Variants in SPARCL1 observed in about 807,000 individuals in gnomAD.
SPARCL1 encodes SPARC-like protein 1.
In SPARCL1, 52 loss-of-function variants were observed where a neutral mutation model predicts 67.1. The observed-to-expected ratio is 0.78, with a 90% CI of 0.62 to 0.98. The LOEUF (loss-of-function observed/expected upper bound fraction) is 0.98, where lower values mean the gene tolerates loss of function less well. Ranked by LOEUF, SPARCL1 falls within the 50% of genes least tolerant of loss-of-function variation. The probability of loss-of-function intolerance (pLI) is 0.00; values close to 1 mark genes in which losing one functional copy is unlikely to be tolerated. For synonymous variants in SPARCL1, 226 were observed against 267.8 expected (o/e 0.84, Z 1.52); for missense variants, 717 against 782.4 (o/e 0.92, Z 1.00).
intron 3 of SPARCL1, 66 bp downstream of exon 3, chr4:87,494,915 A>G: frequency 7.2e-7 from 1 of 1,390,708 alleles, no homozygotes; most frequent in Non-Finnish European, 9.9e-7. Context: ...CTCTTTTACC[A>G]TGCTTTGAAA....
At chr4:87,489,699 A>G (rs1724231624) in intron 7 of SPARCL1, among the ~76,000 whole-genome samples, 1 of 152,174 alleles carries the variant, frequency 6.6e-6, no homozygotes, top group African/African-American at 2.4e-5. Context: ...ACAAAGCAAG[A>G]TATATGGTCA....
chr4:87,491,958 A>C lies in SPARCL1; in HGVS notation c.1219-268T>G, dbSNP rs1463436700. On this transcript the variant is annotated intron_variant, in intron 4 of 10. Transcript: ENST00000282470. ...CATCTCTACCCACCCCCCCCCCCAA[A>C]AAAAAAAAAATTAGCTGGGCATGAT... 4.0e-4 allele frequency among the ~76,000 whole-genome samples: 15 copies of C among 37,848 alleles called. 1 individual carries two copies. In the South Asian group the frequency reaches 0.015, roughly 38 times the overall value. The allele number at this position is 37,848 out of a possible 152,430, so 24.8% of individuals were successfully genotyped here.
chr4:87,490,652 A>C (rs185948869), intron 6 of SPARCL1, 108 bp downstream of exon 6: 1 of 799,334 alleles, frequency 1.3e-6, no homozygotes, highest in Admixed American at 2.5e-5. Flanking sequence ...TAACCAAATG[A>C]TAACCTAGGT....
chr4:87,506,841 C>T (rs545806703), intron 1 of SPARCL1, among the ~76,000 whole-genome samples: 1 of 151,994 alleles, frequency 6.6e-6, no homozygotes, highest in Admixed American at 6.6e-5. Flanking sequence ...ACCTACCTAC[C>T]TACCTATCTC....
intron 8 of SPARCL1, among the ~76,000 whole-genome samples, chr4:87,481,604 A>C (rs750558636): frequency 2.6e-5 from 4 of 152,134 alleles, no homozygotes; most frequent in Non-Finnish European, 5.9e-5. Flanking sequence ...CTCAGTCTTC[A>C]ACTCATAACC....
chr4:87,503,507 A>C (rs1164661354), intron 1 of SPARCL1, among the ~76,000 whole-genome samples: 1 of 152,076 alleles, frequency 6.6e-6, no homozygotes, highest in Non-Finnish European at 1.5e-5. Flanking sequence ...TTTAGCAGGG[A>C]GTGGCAACAT....
intron 1 of SPARCL1, among the ~76,000 whole-genome samples, chr4:87,519,113 C>A (rs1427139391): frequency 2.0e-5 from 3 of 151,542 alleles, no homozygotes; most frequent in Admixed American, 6.6e-5. Context: ...GCTCTGTTGC[C>A]CAGGCTGGAG....
intron 7 of SPARCL1, among the ~76,000 whole-genome samples, chr4:87,489,198 G>A (rs1560816054): frequency 6.6e-6 from 1 of 152,214 alleles, no homozygotes; most frequent in Non-Finnish European, 1.5e-5. Context: ...TTTTGTGCTT[G>A]AAACCCAGGG....
intron 1 of SPARCL1, among the ~76,000 whole-genome samples, 177 bp from the exon 2 acceptor site, chr4:87,499,762 T>A (rs1724771370): frequency 6.6e-6 from 1 of 152,246 alleles, no homozygotes; most frequent in Admixed American, 6.5e-5. Context: ...CTCGATTGTG[T>A]ACCTGTGAAA....
intron 1 of SPARCL1, among the ~76,000 whole-genome samples, chr4:87,516,666 C>T (rs562132617): frequency 6.6e-6 from 1 of 152,252 alleles, no homozygotes; most frequent in South Asian, 2.1e-4. Flanking sequence ...CAGTGAGGAG[C>T]ATGGAAGCCA....
chr4:87,475,298 T>TGACATCTCAGTCGCATTTGGCA (rs1723542066), intron 10 of SPARCL1, among the ~76,000 whole-genome samples: 1 of 152,144 alleles, frequency 6.6e-6, no homozygotes, highest in Non-Finnish European at 1.5e-5. Flanking sequence ...TCAACTTCTT[T>TGACATCTCAGTCGCATTTGGCA]GACATCTCAG....
Position 87,491,678 on chromosome 4 carries a change from C to A in SPARCL1, c.1231G>T (p.Glu411Ter). 1 of 1,613,434 alleles carries A rather than the reference C, an allele frequency of 6.2e-7. No homozygotes were observed. The highest frequency in any genetic ancestry group is 2.2e-5 in the East Asian group (1 of 44,876). Residue 411 changes from glutamate (E) to a stop codon, truncating the protein, a stop_gained, in exon 5 of 11, where the codon GAG (glutamate) becomes TAG (stop). Transcript: ENST00000282470. LOFTEE classifies it high-confidence loss of function. ...PGEHQEAKKAENSSNEEETSS... is the reference protein window; with the variant it reads ...PGEHQEAKKA The stretch of plus-strand genomic sequence containing the variant: ...GTTTCCTCCTCATTTGATGAGTTCT[C>A]TGCTTTCTTGGCCTTTAGAATAACA...
intron 1 of SPARCL1, among the ~76,000 whole-genome samples, chr4:87,527,197 C>T (rs777198194): frequency 5.9e-5 from 9 of 152,204 alleles, no homozygotes; most frequent in Non-Finnish European, 1.2e-4. Flanking sequence ...ATGCTATCAT[C>T]GCTAACTCAG....
At position 87,494,100 on chromosome 4, in the gene SPARCL1, C is replaced by T; in HGVS notation, c.700G>A (p.Glu234Lys). 3 of 1,613,872 alleles carry T rather than the reference C, an allele frequency of 1.9e-6. No individual in the cohort carries two copies. The highest frequency in any genetic ancestry group is 2.5e-6 in the Non-Finnish European group (3 of 1,180,024). ...TCATCAGATTGGGTATTGTCTTCCT[C>T]CTGCTTGCTGTTAGCATGCTCCCTG... ...LPREHANSKQEEDNTQSDDIL... is the reference protein window; with the variant it reads ...LPREHANSKQKEDNTQSDDIL... The change falls in exon 4 of 11, where the codon GAG becomes AAG. Residue 234 changes from glutamate to lysine, a missense_variant. Transcript: ENST00000282470.
At chr4:87,509,024 G>C (rs1010737667) in intron 1 of SPARCL1, among the ~76,000 whole-genome samples, 1 of 147,242 alleles carries the variant, frequency 6.8e-6, no homozygotes, top group Non-Finnish European at 1.5e-5. Context: ...TTATATACAT[G>C]TATCTATATA....
chr4:87,506,967 A>C (rs902594592), intron 1 of SPARCL1, among the ~76,000 whole-genome samples: 2 of 152,128 alleles, frequency 1.3e-5, no homozygotes, highest in African/African-American at 2.4e-5. Context: ...ATGCTCAATA[A>C]ATTTTAATTC....
At chr4:87,483,319 G>A (rs1723909222) in intron 7 of SPARCL1, among the ~76,000 whole-genome samples, 1 of 152,126 alleles carries the variant, frequency 6.6e-6, no homozygotes, top group Non-Finnish European at 1.5e-5. Context: ...TCCCACTTAT[G>A]AGTGAGAACA....
intron 4 of SPARCL1, among the ~76,000 whole-genome samples, chr4:87,493,228 G>A (rs1023583578): frequency 6.6e-6 from 1 of 152,186 alleles, no homozygotes; most frequent in Non-Finnish European, 1.5e-5. Context: ...AAGTACCCTA[G>A]CTCCTTCAGT....
chr4:87,484,944 A>C lies in SPARCL1; in HGVS notation c.1532-2384T>G, dbSNP rs1040625881. 2.2e-4 allele frequency among the ~76,000 whole-genome samples: 33 copies of C among 152,156 alleles called. 1 individual carries two copies. The highest frequency in any genetic ancestry group is 5.9e-5 in the Non-Finnish European group (4 of 68,026). On this transcript the variant is annotated intron_variant, in intron 7 of 10. Transcript: ENST00000282470. ...TCCTGAGACTTTGCTGAAGTTGCTTATCAGCTTAAGGAGATTTTGGACTGA... is the reference window on the plus strand; with the variant it reads ...TCCTGAGACTTTGCTGAAGTTGCTTCTCAGCTTAAGGAGATTTTGGACTGA...
Sources: allele counts gnomAD v4.1 joint callset (sites outside exome capture counted in the v4.1 genomes callset), GRCh38; gene constraint gnomAD v4.1.1; transcripts MANE v1.5; gene names NCBI Gene and HGNC (gene_info 2026-07-23, HGNC 2026-07-21).